The following NMRK1 variants were observed in gnomAD, a reference collection of about 807,000 sequenced individuals.
NMRK1 encodes the protein NRK 1.
A neutral mutation model predicts 29.9 loss-of-function variants in NMRK1; 28 were observed. The observed-to-expected ratio is 0.94, with a 90% CI of 0.69 to 1.28. The LOEUF (loss-of-function observed/expected upper bound fraction) is 1.28, where lower values mean the gene tolerates loss of function less well. Ranked by LOEUF, NMRK1 falls within the 50% of genes most tolerant of loss-of-function variation. The probability of loss-of-function intolerance (pLI) is 0.00; values close to 1 mark genes in which losing one functional copy is unlikely to be tolerated. For missense variants in NMRK1, 218 were observed against 233.1 expected, an observed-to-expected ratio of 0.94 and a Z score of 0.42; for synonymous variants, 58 against 73.0, an observed-to-expected ratio of 0.79 and a Z score of 1.05.
intron 8 of NMRK1, among the ~76,000 whole-genome samples, chr9:75,064,624 T>G (rs1823233431): frequency 6.6e-6 from 1 of 152,238 alleles, no homozygotes; most frequent in Admixed American, 6.5e-5. Context: ...CATGCCTATA[T>G]GATGGGCTGA....
At chr9:75,062,788 A>G (rs1336529673) in intron 8 of NMRK1, among the ~76,000 whole-genome samples, 1 of 152,118 alleles carries the variant, frequency 6.6e-6, no homozygotes, top group African/African-American at 2.4e-5. Flanking sequence ...TCCCAGCACT[A>G]TGGGAGGCCA....
At chr9:75,072,794 T>C (rs1036132029) in intron 4 of NMRK1, among the ~76,000 whole-genome samples, 5 of 152,326 alleles carry the variant, frequency 3.3e-5, no homozygotes, top group South Asian at 2.1e-4. Flanking sequence ...ATCCATAAAA[T>C]GTATTAGGAC....
At position 75,069,897 on chromosome 9, in the gene NMRK1, A is replaced by G; in HGVS notation, c.315T>C (p.Tyr105=). ...AATATTAGGGTGGAGATGCTTACTT[A>G]TAATTAAAAAGAAGAAAACCTTCGA... ...LIIEGFLLFN[Y]KPLDTIWNRS... Residue 105 remains tyrosine, a splice_region_variant and synonymous_variant, in exon 5 of 9, where the codon TAT becomes TAC. Coordinates refer to ENST00000361092, the MANE Select transcript of NMRK1 (RefSeq NM_017881.3). 1.2e-6 allele frequency: 2 copies of G among 1,613,328 alleles called. No individual in the cohort carries two copies. The highest frequency in any genetic ancestry group is 8.5e-7 in the Non-Finnish European group (1 of 1,179,790).
chr9:75,086,169 C>A (rs1442213692), intron 1 of NMRK1, among the ~76,000 whole-genome samples: 5 of 151,924 alleles, frequency 3.3e-5, no homozygotes, highest in Non-Finnish European at 7.4e-5. Flanking sequence ...TTGAAAAAAA[C>A]CAAAACAAAC....
rs1340663253 is a variant in NMRK1, at chr9:75,069,928, A to G, written c.284T>C (p.Leu95Ser). 1 of 1,614,024 alleles carries G rather than the reference A, an allele frequency of 6.2e-7. No individual in the cohort carries two copies. The highest frequency in any genetic ancestry group is 8.5e-7 in the Non-Finnish European group (1 of 1,179,940). ...AAAAAGAAGAAAACCTTCGATGATT[A>G]AAATGGGAATTTCCTCAGCACTTTC... is the stretch of plus-strand genomic sequence containing the variant. The part of the protein sequence containing the change: ...DQESAEEIPI[L>S]IIEGFLLFNY... Residue 95 changes from leucine (L) to serine (S), a missense_variant, in exon 5 of 9, where the codon TTA (leucine) becomes TCA (serine). Leu to Ser is a moderately radical substitution (Grantham distance 145, BLOSUM62 -2). Transcript: ENST00000361092.
chr9:75,072,026 G>A (rs568054394), intron 4 of NMRK1, among the ~76,000 whole-genome samples: 4 of 152,286 alleles, frequency 2.6e-5, no homozygotes, highest in South Asian at 2.1e-4. Flanking sequence ...GTCTAGCTCC[G>A]CACCAAGCTA....
rs1387809640 is a variant in NMRK1 at position 75,066,802 on chromosome 9, A to G, written c.535T>C (p.Leu179=). The G allele has an allele frequency of 1.2e-6, 2 of 1,610,100 alleles. No individual in the cohort carries two copies. The highest frequency in any genetic ancestry group is 2.2e-5 in the South Asian group (2 of 90,960). Residue 179 remains leucine, a synonymous_variant, in exon 8 of 9, where the codon TTG becomes CTG. Coordinates refer to ENST00000361092, the MANE Select transcript of NMRK1 (RefSeq NM_017881.3). ...DGTKSEEDLF[L]QVYEDLIQEL... ...TGTATTAGATCTTCATATACTTGCA[A>G]AAAGAGGTCCTCTTCAGATTTTGTT...
At chr9:75,061,614 A>C (rs1185991645) in intron 8 of NMRK1, 47 bp from the exon 9 acceptor site, 8 of 1,451,600 alleles carry the variant, frequency 5.5e-6, no homozygotes, top group African/African-American at 2.8e-5. Flanking sequence ...TCCAATTCTC[A>C]TTTTATTAAA....
At chr9:75,069,683 T>C (rs1823580805) in intron 6 of NMRK1, 59 bp downstream of exon 6, 1 of 1,384,004 alleles carries the variant, frequency 7.2e-7, no homozygotes, top group Admixed American at 1.7e-5. Context: ...GCTGTCCTCA[T>C]TTTTCTTCTA....
chr9:75,066,715 C>A, intron 8 of NMRK1, 42 bp downstream of exon 8: 1 of 1,069,978 alleles, frequency 9.3e-7, no homozygotes, highest in South Asian at 1.2e-5. Flanking sequence ...ATTTTCCTGG[C>A]TGTTTCTCCT....
chr9:75,083,821 T>C (rs888822348), intron 1 of NMRK1, among the ~76,000 whole-genome samples: 57 of 152,328 alleles, frequency 3.7e-4, no homozygotes, highest in African/African-American at 1.2e-3. Flanking sequence ...TTGTTATGTA[T>C]GGACTTATAT....
intron 3 of NMRK1, 124 bp from the exon 4 acceptor site, chr9:75,077,331 A>T: frequency 1.2e-6 from 1 of 845,262 alleles, no homozygotes; most frequent in Non-Finnish European, 2.0e-6. Context: ...CAGCACTGAT[A>T]GACAGTGCCA....
intron 5 of NMRK1, 26 bp downstream of exon 5, chr9:75,069,869 G>C: frequency 6.2e-7 from 1 of 1,611,636 alleles, no homozygotes; most frequent in South Asian, 1.1e-5. Flanking sequence ...TTCACTCAGA[G>C]ACAATATTAG....
At chr9:75,083,217 A>G in intron 1 of NMRK1, 67 bp from the exon 2 acceptor site, 3 of 823,680 alleles carry the variant, frequency 3.6e-6, no homozygotes. Context: ...AGATAAAAGA[A>G]TCCTAAATTA....
intron 5 of NMRK1, 32 bp from the exon 6 acceptor site, chr9:75,069,845 T>C (rs779628334): frequency 6.8e-6 from 11 of 1,611,162 alleles, no homozygotes; most frequent in Admixed American, 5.0e-5. Context: ...TTCACAAGGG[T>C]TTTTATCCCC....
rs924256225 is a variant in NMRK1 at position 75,060,995 on chromosome 9, G to A, written c.*553C>T. The A allele has an allele frequency of 6.6e-6, 1 of 152,418 alleles. No homozygotes were observed. Among genetic ancestry groups the A allele is most frequent in the African/African-American group, 2.4e-5 (1 of 41,406 alleles). 9.4% of individuals were successfully genotyped at this position (152,418 alleles called of 1,614,324 possible). A position where few individuals can be genotyped will look rare whatever the true frequency, so the allele number is the denominator to read the frequency against. On this transcript the variant is annotated 3_prime_UTR_variant, in exon 9 of 9. Coordinates refer to ENST00000361092, the MANE Select transcript of NMRK1 (RefSeq NM_017881.3). ...AGTAATGCTATTATTTGCAGGTGGT[G>A]AGTGTTGGTATGGGATGGTATGGAG...
intron 8 of NMRK1, among the ~76,000 whole-genome samples, chr9:75,065,905 T>C (rs1823310538): frequency 6.6e-6 from 1 of 152,208 alleles, no homozygotes; most frequent in South Asian, 2.1e-4. Flanking sequence ...CGTTGTCAAA[T>C]CTTGAAAAAG....
chr9:75,065,261 C>T (rs1034222655), intron 8 of NMRK1, among the ~76,000 whole-genome samples: 5 of 152,128 alleles, frequency 3.3e-5, no homozygotes, highest in Admixed American at 2.0e-4. Flanking sequence ...TGTCTGCCCC[C>T]GGAGTTCAAG....
chr9:75,078,238 A>C, intron 2 of NMRK1: 1 of 1,519,412 alleles, frequency 6.6e-7, no homozygotes, highest in South Asian at 1.2e-5. Context: ...TTTTAGTGCA[A>C]GTGTATAAAA....
Sources: gnomAD v4.1 joint callset for allele counts (sites outside exome capture counted in the v4.1 genomes callset) on GRCh38, gnomAD v4.1.1 for gene constraint, MANE v1.5 for transcripts, NCBI Gene and HGNC (gene_info 2026-07-23, HGNC 2026-07-21) for gene names.